Variants in ABTB3 observed in about 807,000 individuals in gnomAD.
ABTB3 encodes ankyrin repeat and BTB domain containing 3.
At chr12:107,345,144 T>C in the ABTB3 span, among the ~76,000 whole-genome samples, 1 of 152,174 alleles carries the variant, frequency 6.6e-6, no homozygotes, top group East Asian at 1.9e-4. Flanking sequence ...CACCTGAAAG[T>C]GTTCTCTTTT....
chr12:107,321,913 T>TGGAA, the ABTB3 span, among the ~76,000 whole-genome samples: 3 of 152,130 alleles, frequency 2.0e-5, no homozygotes, highest in Non-Finnish European at 4.4e-5. Context: ...GTATTTCCTT[T>TGGAA]GGAAGGCTCT....
At chr12:107,525,607 T>C in the ABTB3 span, among the ~76,000 whole-genome samples, 1 of 152,134 alleles carries the variant, frequency 6.6e-6, no homozygotes, top group Non-Finnish European at 1.5e-5. Flanking sequence ...AATGAAATCG[T>C]CTAAGGACAT....
At chr12:107,373,463 A>G in the ABTB3 span, among the ~76,000 whole-genome samples, 3 of 152,218 alleles carry the variant, frequency 2.0e-5, no homozygotes, top group Non-Finnish European at 4.4e-5. Flanking sequence ...TATATAAAGC[A>G]TCACTTTCCT....
chr12:107,525,181 G>A, the ABTB3 span, among the ~76,000 whole-genome samples: 1 of 151,844 alleles, frequency 6.6e-6, no homozygotes, highest in Non-Finnish European at 1.5e-5. Flanking sequence ...AACAAAATTA[G>A]CCAGGTGTGG....
the ABTB3 span, among the ~76,000 whole-genome samples, chr12:107,381,823 C>T: frequency 1.2e-4 from 18 of 152,160 alleles, no homozygotes; most frequent in African/African-American, 4.3e-4. Flanking sequence ...CCTCAGCTCC[C>T]TCAGCTGTAA....
chr12:107,565,706 T>C, the ABTB3 span, among the ~76,000 whole-genome samples: 1 of 152,328 alleles, frequency 6.6e-6, no homozygotes, highest in East Asian at 1.9e-4. Context: ...TGGTAGTTGC[T>C]CTGCCACCCT....
chr12:107,368,464 A>G, the ABTB3 span, among the ~76,000 whole-genome samples: 3 of 152,232 alleles, frequency 2.0e-5, no homozygotes, highest in Non-Finnish European at 2.9e-5. Flanking sequence ...GTTGGCACCC[A>G]TCATATTTTG....
the ABTB3 span, chr12:107,620,304 G>C: frequency 9.1e-7 from 1 of 1,097,088 alleles, no homozygotes; most frequent in South Asian, 1.6e-5. Context: ...ATGTAGCCCA[G>C]CAGACGAAAG....
At chr12:107,393,141 T>C in the ABTB3 span, among the ~76,000 whole-genome samples, 2 of 152,178 alleles carry the variant, frequency 1.3e-5, no homozygotes, top group African/African-American at 4.8e-5. Flanking sequence ...AAACGCTTCC[T>C]TGAGGGGCCT....
chr12:107,506,481 A>G, the ABTB3 span, among the ~76,000 whole-genome samples: 4,445 of 152,360 alleles, frequency 0.029, 206 homozygotes, highest in African/African-American at 0.094. Flanking sequence ...ATATTTCTAT[A>G]GAAAACTAGG....
chr12:107,556,095 A>ATTTT, the ABTB3 span, among the ~76,000 whole-genome samples: 2 of 139,504 alleles, frequency 1.4e-5, no homozygotes, highest in African/African-American at 2.6e-5. Flanking sequence ...GTCAGCATCA[A>ATTTT]TTTTTTTTTT....
At chr12:107,324,423 G>A in the ABTB3 span, among the ~76,000 whole-genome samples, 1 of 152,112 alleles carries the variant, frequency 6.6e-6, no homozygotes, top group African/African-American at 2.4e-5. Flanking sequence ...GGGGCCAGGA[G>A]TTTGAGACCA....
chr12:107,548,631 A>G, the ABTB3 span, among the ~76,000 whole-genome samples: 1 of 152,232 alleles, frequency 6.6e-6, no homozygotes, highest in African/African-American at 2.4e-5. Flanking sequence ...AAAATCATTC[A>G]GTTACCTCAG....
chr12:107,596,507 C>T, the ABTB3 span, among the ~76,000 whole-genome samples: 8 of 152,154 alleles, frequency 5.3e-5, no homozygotes, highest in Admixed American at 2.0e-4. Flanking sequence ...CAGCTGTAAT[C>T]GGGAGGCTGA....
the ABTB3 span, among the ~76,000 whole-genome samples, chr12:107,424,583 A>G: frequency 4.6e-5 from 7 of 152,198 alleles, no homozygotes; most frequent in Admixed American, 2.6e-4. Context: ...GCGTGGCTCC[A>G]TCTTTCTGAG....
At chr12:107,374,069 C>T in the ABTB3 span, among the ~76,000 whole-genome samples, 2 of 152,142 alleles carry the variant, frequency 1.3e-5, no homozygotes, top group African/African-American at 4.8e-5. Flanking sequence ...GTTCTGGAAT[C>T]ATCAGCCCCG....
the ABTB3 span, among the ~76,000 whole-genome samples, chr12:107,515,073 A>C: frequency 1.3e-5 from 2 of 152,170 alleles, no homozygotes; most frequent in Non-Finnish European, 2.9e-5. Flanking sequence ...GGTCATTACT[A>C]TCACCCCCAT....
At chr12:107,427,400 A>C in the ABTB3 span, among the ~76,000 whole-genome samples, 1 of 150,514 alleles carries the variant, frequency 6.6e-6, no homozygotes, top group South Asian at 2.1e-4. Context: ...TCCCGCCTCA[A>C]CCTCCCGAGT....
chr12:107,573,202 T>C, the ABTB3 span, among the ~76,000 whole-genome samples: 2 of 152,202 alleles, frequency 1.3e-5, no homozygotes, highest in African/African-American at 4.8e-5. Flanking sequence ...TCATCCTCCA[T>C]GGGATCTAGC....
Sources: gnomAD v4.1 joint callset for allele counts (sites outside exome capture counted in the v4.1 genomes callset) on GRCh38, gnomAD v4.1.1 for gene constraint, MANE v1.5 for transcripts, NCBI Gene and HGNC (gene_info 2026-07-23, HGNC 2026-07-21) for gene names.